The following RNGTT variants were observed in gnomAD, a reference collection of about 807,000 sequenced individuals.
The protein encoded by RNGTT is mRNA-capping enzyme.
A neutral mutation model predicts 79.3 loss-of-function variants in RNGTT; 33 were observed. The ratio of observed to expected loss-of-function variants is 0.42; its 90% CI spans 0.32 to 0.56. The LOEUF (loss-of-function observed/expected upper bound fraction) is 0.56. RNGTT is among the 20% of genes least tolerant of loss of function. The pLI, the probability that RNGTT is intolerant of heterozygous loss-of-function variation, is 0.17. For synonymous variants in RNGTT, 222 were observed against 235.9 expected (o/e 0.94, Z 0.54); for missense variants, 497 against 739.1 (o/e 0.67, Z 3.80).
At chr6:88,924,409 T>C (rs1784255784) in intron 4 of RNGTT, among the ~76,000 whole-genome samples, 2 of 152,232 alleles carry the variant, frequency 1.3e-5, no homozygotes, top group Non-Finnish European at 2.9e-5. Context: ...AATGCCTCTT[T>C]CACTTACTGG....
chr6:88,959,229 G>C (rs1562092423), intron 1 of RNGTT, among the ~76,000 whole-genome samples: 1 of 151,974 alleles, frequency 6.6e-6, no homozygotes, highest in Admixed American at 6.6e-5. Context: ...GAGGGGGGAT[G>C]AGGGATAAAA....
Position 88,904,575 on chromosome 6 carries a change from T to TC in RNGTT, c.684+139_684+140insG, listed in dbSNP as rs1783585334. 27 of 774,940 alleles carry TC rather than the reference T, an allele frequency of 3.5e-5. No individual in the cohort carries two copies. In the South Asian group the frequency reaches 7.0e-4, roughly 20 times the overall value. 48.0% of individuals were successfully genotyped at this position (774,940 alleles called of 1,614,324 possible). On this transcript the variant is annotated intron_variant, in intron 6 of 15. Coordinates refer to ENST00000369485, the MANE Select transcript of RNGTT (RefSeq NM_003800.5). ...AAACTTTCTCTCCAAAAAAAAAAAA[T>TC]TTTTTTTTTAGAAAGGGCTAGGATG...
chr6:88,705,656 G>A (rs373659376), intron 13 of RNGTT, among the ~76,000 whole-genome samples: 1 of 151,994 alleles, frequency 6.6e-6, no homozygotes, highest in Non-Finnish European at 1.5e-5. Context: ...TAAATGCTGT[G>A]GTATTACATC....
At position 88,716,775 on chromosome 6, in the gene RNGTT, C is replaced by G. The variant is rs937245026; in HGVS notation, c.1440-38356G>C. Among the ~76,000 whole-genome samples the G allele has an allele frequency of 6.6e-5, 10 of 152,110 alleles. 1 individual carries two copies. In the South Asian group the frequency reaches 2.1e-3, roughly 32 times the overall value. On this transcript the variant is annotated intron_variant, in intron 13 of 15. Transcript: ENST00000369485. ...AGATGGGAACTGAACAATGAGAACA[C>G]ATGGACACAGGAAGGGGAACATCAC...
chr6:88,956,946 T>C (rs1252883208), intron 1 of RNGTT, among the ~76,000 whole-genome samples: 3 of 152,060 alleles, frequency 2.0e-5, no homozygotes, highest in Admixed American at 2.0e-4. Flanking sequence ...GGCAGGAGAA[T>C]CACTTGAACC....
intron 14 of RNGTT, among the ~76,000 whole-genome samples, chr6:88,618,452 A>G (rs1772314651): frequency 6.6e-6 from 1 of 152,218 alleles, no homozygotes; most frequent in Admixed American, 6.5e-5. Flanking sequence ...TACTATGACA[A>G]TAATCATCCT....
chr6:88,661,294 C>A (rs1259881056), intron 14 of RNGTT, among the ~76,000 whole-genome samples: 2 of 151,788 alleles, frequency 1.3e-5, no homozygotes, highest in Non-Finnish European at 2.9e-5. Context: ...CCAAACCCTG[C>A]AGAAAAGAAA....
intron 12 of RNGTT, among the ~76,000 whole-genome samples, chr6:88,778,195 A>C (rs1373918964): frequency 6.6e-6 from 1 of 152,224 alleles, no homozygotes; most frequent in Admixed American, 6.5e-5. Context: ...AAAAGGTATT[A>C]CCTGAGTGTC....
intron 12 of RNGTT, among the ~76,000 whole-genome samples, chr6:88,794,234 T>C (rs947817699): frequency 6.6e-6 from 1 of 152,206 alleles, no homozygotes; most frequent in African/African-American, 2.4e-5. Flanking sequence ...ACTCATGTTA[T>C]TGTTTTAGGG....
At chr6:88,717,730 C>T (rs1366474390) in intron 13 of RNGTT, among the ~76,000 whole-genome samples, 2 of 152,210 alleles carry the variant, frequency 1.3e-5, no homozygotes, top group African/African-American at 2.4e-5. Flanking sequence ...ATCCAGGAAG[C>T]GGGCAGCCTA....
chr6:88,838,524 A>G (rs1403990701), intron 11 of RNGTT, among the ~76,000 whole-genome samples: 3 of 152,294 alleles, frequency 2.0e-5, no homozygotes, highest in Middle Eastern at 3.4e-3. Context: ...TTTTATGACA[A>G]TATCAAAAAG....
chr6:88,876,215 T>G (rs1023731241), intron 8 of RNGTT, among the ~76,000 whole-genome samples: 3 of 152,210 alleles, frequency 2.0e-5, no homozygotes, highest in African/African-American at 7.2e-5. Flanking sequence ...ATACTCATGT[T>G]AAGATAAAAA....
chr6:88,883,034 C>T (rs1456021239), intron 8 of RNGTT, among the ~76,000 whole-genome samples: 1 of 151,920 alleles, frequency 6.6e-6, no homozygotes, highest in Non-Finnish European at 1.5e-5. Flanking sequence ...CTAATCTTCC[C>T]AAAACATTCT....
At chr6:88,875,383 G>C (rs1238625737) in intron 8 of RNGTT, among the ~76,000 whole-genome samples, 1 of 151,768 alleles carries the variant, frequency 6.6e-6, no homozygotes, top group African/African-American at 2.4e-5. Flanking sequence ...CTCACAGGGA[G>C]AACTTTTTAA....
intron 12 of RNGTT, among the ~76,000 whole-genome samples, chr6:88,775,236 A>G (rs950944181): frequency 2.6e-5 from 4 of 152,298 alleles, no homozygotes; most frequent in East Asian, 1.9e-4. Context: ...ATGTGTGTAC[A>G]TGTGTGTCAA....
At chr6:88,897,074 C>T (rs1017311992) in intron 6 of RNGTT, among the ~76,000 whole-genome samples, 3 of 152,192 alleles carry the variant, frequency 2.0e-5, no homozygotes, top group Admixed American at 2.0e-4. Context: ...TGTCACTCTG[C>T]TCACTTTTCA....
chr6:88,853,642 G>C lies in RNGTT; in HGVS notation c.1019C>G (p.Thr340Ser). 6.3e-7 allele frequency: 1 copy of C among 1,583,204 alleles called. No homozygotes were observed. Among genetic ancestry groups the C allele is most frequent in the Non-Finnish European group, 8.6e-7 (1 of 1,160,970 alleles). Residue 340 changes from threonine to serine, a missense_variant, in exon 9 of 16, where the codon ACT becomes AGT. Coordinates refer to ENST00000369485, the MANE Select transcript of RNGTT (RefSeq NM_003800.5). ...RKDLRMHLSN[T>S]LLDGEMIIDR... is the part of the protein sequence containing the mutation. ...AATATGACTTACGCCATCCAAGAGA[G>C]TATTTGATAAATGCATACGAAGATC... is the stretch of plus-strand genomic sequence containing the variant.
intron 11 of RNGTT, among the ~76,000 whole-genome samples, chr6:88,814,987 C>T (rs77895204): frequency 0.016 from 2,450 of 152,252 alleles, 67 homozygotes; most frequent in African/African-American, 0.056. Flanking sequence ...TACTGGGAAA[C>T]GATCTCTAGG....
chr6:88,681,717 T>C (rs1285980898), intron 13 of RNGTT, among the ~76,000 whole-genome samples: 1 of 152,144 alleles, frequency 6.6e-6, no homozygotes, highest in African/African-American at 2.4e-5. Context: ...AATAAACACA[T>C]TTATATGTAT....
Sources: allele counts gnomAD v4.1 joint callset (sites outside exome capture counted in the v4.1 genomes callset), GRCh38; gene constraint gnomAD v4.1.1; transcripts MANE v1.5; gene names NCBI Gene and HGNC (gene_info 2026-07-23, HGNC 2026-07-21).